CLCN1: variants seen among roughly 807,000 people sequenced by gnomAD.
CLCN1 encodes the protein chloride voltage-gated channel 1.
A neutral mutation model predicts 114.5 loss-of-function variants in CLCN1; 100 were observed. The ratio of observed to expected loss-of-function variants is 0.87; its 90% confidence interval spans 0.74 to 1.03. The LOEUF is 1.03. Among genes scored for constraint, CLCN1 ranks in the 50% least tolerant of loss-of-function variants. CLCN1 has a pLI of 0.00. For synonymous variants in CLCN1, 485 were observed against 487.1 expected, an observed-to-expected ratio of 1.00 and a Z score of 0.06; for missense variants, 1,188 against 1,250.0, an observed-to-expected ratio of 0.95 and a Z score of 0.75.
In CLCN1 at chr7:143,316,352, G is replaced by A. The variant is rs747166328; in HGVS notation, c.140G>A (p.Arg47Gln). 33 of 1,611,178 alleles carry A rather than the reference G, an allele frequency of 2.0e-5. No individual in the cohort carries two copies. Among genetic ancestry groups the A allele is most frequent in the South Asian group, 4.4e-5 (4 of 91,040 alleles). ...AATGGGGGCCTCCAGCACAGGCTCC[G>A]GAAGGATGCAGGCCCCCGCCACAAC... Reference protein sequence around the residue: ...SENGGLQHRLRKDAGPRHNVH... With the variant: ...SENGGLQHRLQKDAGPRHNVH... The change falls in exon 1 of 23, where the codon CGG becomes CAG. Residue 47 changes from arginine (R) to glutamine (Q), a missense_variant. Physicochemically the swap from Arg to Gln is conservative, Grantham distance 43 (BLOSUM62 1). Transcript: ENST00000343257.
At chr7:143,330,958 G>A (rs1802706085) in intron 8 of CLCN1, 61 bp downstream of exon 8, 2 of 1,612,206 alleles carry the variant, frequency 1.2e-6, no homozygotes, top group Admixed American at 1.7e-5. Context: ...ATGGGGTGCA[G>A]AGGAAAACTC....
intron 2 of CLCN1, among the ~76,000 whole-genome samples, chr7:143,320,136 A>G (rs989483946): frequency 6.6e-6 from 1 of 152,134 alleles, no homozygotes; most frequent in Non-Finnish European, 1.5e-5. Context: ...CTATAGGCAC[A>G]TGCCACCATG....
chr7:143,351,259 TCA>T (rs1803391396), intron 22 of CLCN1, among the ~76,000 whole-genome samples: 1 of 151,728 alleles, frequency 6.6e-6, no homozygotes, highest in Non-Finnish European at 1.5e-5. Context: ...CAGGCATGAG[TCA>T]CAGTTTCTCG....
chr7:143,351,593 G>A lies in CLCN1; in HGVS notation c.2596-1G>A, dbSNP rs771721648. The A allele has an allele frequency of 6.8e-6, 11 of 1,613,530 alleles. No individual in the cohort carries two copies. The African/African-American group carries it at 1.3e-4, about 20-fold the overall frequency. ...TCTTTTCCTTTCCCACTGCTCTTCA[G>A]CTACAGAAGGCCATTGAGGGGCACA... is the stretch of plus-strand genomic sequence containing the variant. On this transcript the variant is annotated splice_acceptor_variant, in intron 22 of 22. Coordinates refer to ENST00000343257, the MANE Select transcript of CLCN1 (RefSeq NM_000083.3). LOFTEE classifies it high-confidence loss of function.
chr7:143,326,784 G>A (rs1028696298), intron 7 of CLCN1, among the ~76,000 whole-genome samples: 1 of 152,144 alleles, frequency 6.6e-6, no homozygotes, highest in African/African-American at 2.4e-5. Context: ...ACAAGTAAAG[G>A]GGGGCTGAAT....
chr7:143,320,873 C>G (rs146551219), intron 3 of CLCN1, 78 bp downstream of exon 3: 2 of 1,533,658 alleles, frequency 1.3e-6, no homozygotes, highest in Admixed American at 1.7e-5. Context: ...TTATCGGAAG[C>G]GAATGTTAAG....
At position 143,345,775 on chromosome 7, in the gene CLCN1, G is replaced by GGAAGGGCTA; in HGVS notation, c.2172+15_2172+23dup. ...TGGCAAGAGCGAGGTGACCGCGCCGGGAAGGGCTAGGGAGTGGGATAGATC... is the reference window on the plus strand; with the variant it reads ...TGGCAAGAGCGAGGTGACCGCGCCGGGAAGGGCTAGAAGGGCTAGGGAGTGGGATAGATC... On this transcript the variant is annotated intron_variant, in intron 17 of 22. Transcript: ENST00000343257. 3 of 1,607,508 alleles carry GGAAGGGCTA rather than the reference G, an allele frequency of 1.9e-6. No individual in the cohort carries two copies. The highest frequency in any genetic ancestry group is 2.5e-6 in the Non-Finnish European group (3 of 1,177,742).
At chr7:143,320,019 C>G in intron 2 of CLCN1, 144 bp downstream of exon 2, 1 of 855,408 alleles carries the variant, frequency 1.2e-6, no homozygotes, top group South Asian at 1.5e-5. Context: ...GACAGGGTCT[C>G]ACTCTGTCAT....
At chr7:143,323,534 C>T (rs758390478) in intron 6 of CLCN1, 148 bp downstream of exon 6, 27 of 722,082 alleles carry the variant, frequency 3.7e-5, no homozygotes, top group Non-Finnish European at 6.4e-5. Flanking sequence ...TCCTCGTCTC[C>T]CTGTCTGCCT....
chr7:143,326,397 A>G (rs139337208), intron 7 of CLCN1, among the ~76,000 whole-genome samples: 1 of 152,364 alleles, frequency 6.6e-6, no homozygotes, highest in African/African-American at 2.4e-5. Flanking sequence ...GGAATTCAGC[A>G]TTCTACTGAA....
intron 7 of CLCN1, among the ~76,000 whole-genome samples, chr7:143,330,568 C>T (rs1802694380): frequency 6.6e-6 from 1 of 152,104 alleles, no homozygotes; most frequent in South Asian, 2.1e-4. Flanking sequence ...TGGACCCATC[C>T]CTTGTCTGAA....
intron 2 of CLCN1, 85 bp downstream of exon 2, chr7:143,319,960 A>G (rs901435824): frequency 6.5e-6 from 9 of 1,394,542 alleles, no homozygotes; most frequent in Admixed American, 5.0e-5. Context: ...CATTGCACGT[A>G]CGTACTCCCT....
chr7:143,347,620 CAAAAAAAA>C (rs57147641), intron 20 of CLCN1, among the ~76,000 whole-genome samples: 5 of 94,954 alleles, frequency 5.3e-5, no homozygotes, highest in African/African-American at 1.5e-4. Flanking sequence ...GACTTTGCCT[CAAAAAAAA>C]AAAAAAAAAA....
Position 143,321,815 on chromosome 7 carries a change from G to A in CLCN1, c.663G>A (p.Ala221=), listed in dbSNP as rs147317366. ...AFVAKVVALT[A]GLGSGIPVGK... Reference sequence around the variant, plus strand: ...TGGCCAAGGTTGTCGCCCTGACTGCGGGCCTGGGCAGTGGCATCCCCGTGG... The same window carrying A: ...TGGCCAAGGTTGTCGCCCTGACTGCAGGCCTGGGCAGTGGCATCCCCGTGG... Residue 221 remains alanine (A), a synonymous_variant, in exon 5 of 23, where the codon GCG becomes GCA. Transcript: ENST00000343257. The surrounding 1 kb of genome is among the most constrained non-coding windows in gnomAD (Gnocchi z 4.2). 8,246 of 1,614,214 alleles carry A rather than the reference G, an allele frequency of 5.1e-3. 38 individuals are homozygous for A. The highest frequency in any genetic ancestry group is 0.012 in the Middle Eastern group (75 of 6,062).
intron 7 of CLCN1, among the ~76,000 whole-genome samples, chr7:143,325,471 C>G (rs1342137472): frequency 2.0e-5 from 3 of 152,194 alleles, no homozygotes; most frequent in Non-Finnish European, 4.4e-5. Flanking sequence ...GACTAAGGAA[C>G]CCAAGTTAGC....
rs200344297 is a variant in CLCN1 at position 143,316,332 on chromosome 7, G to C, written c.120G>C (p.Gly40=). Residue 40 remains glycine (G), a synonymous_variant, in exon 1 of 23, where the codon GGG becomes GGC. Coordinates refer to ENST00000343257, the MANE Select transcript of CLCN1 (RefSeq NM_000083.3). The part of the protein sequence containing the change: ...CTSYGLPSEN[G]GLQHRLRKDA... ...GCTACGGACTGCCCTCTGAGAATGG[G>C]GGCCTCCAGCACAGGCTCCGGAAGG... The C allele has an allele frequency of 3.8e-5, 62 of 1,613,076 alleles. No homozygotes were observed. The Admixed American group carries it at 6.7e-4, about 17-fold the overall frequency.
rs202179484 is a variant in CLCN1, at chr7:143,330,813, G to C, written c.895G>C (p.Val299Leu). The change falls in exon 8 of 23, where the codon GTT becomes CTT. Residue 299 changes from valine (V) to leucine (L), a missense_variant. Transcript: ENST00000343257. Reference protein sequence around the residue: ...SIEVTSTYFAVRNYWRGFFAA... With the variant: ...SIEVTSTYFALRNYWRGFFAA... ...CGAGGTCACCTCCACCTACTTTGCT[G>C]TTCGGAACTACTGGAGAGGATTCTT... 9 of 1,614,086 alleles carry C rather than the reference G, an allele frequency of 5.6e-6. No homozygotes were observed. Among genetic ancestry groups the C allele is most frequent in the Middle Eastern group, 1.6e-4 (1 of 6,082 alleles).
rs769612798 is a variant in CLCN1 at position 143,321,753 on chromosome 7, G to A, written c.601G>A (p.Val201Ile). The change falls in exon 5 of 23, where the codon GTT becomes ATT. Residue 201 changes from valine to isoleucine, a missense_variant. Transcript: ENST00000343257. This position sits in a 1 kb window ranked among gnomAD's most constrained non-coding sequence, Gnocchi z 4.2. The part of the protein sequence containing the change: ...IPEMKTILRG[V>I]VLKEYLTMKA... Reference sequence around the variant, plus strand: ...CGAAATGAAGACAATACTTCGTGGGGTTGTCCTGAAGGAATACCTCACAAT... The same window carrying A: ...CGAAATGAAGACAATACTTCGTGGGATTGTCCTGAAGGAATACCTCACAAT... 43 of 1,614,110 alleles carry A rather than the reference G, an allele frequency of 2.7e-5. No homozygotes were observed. Among genetic ancestry groups the A allele is most frequent in the Non-Finnish European group, 3.6e-5 (42 of 1,180,038 alleles).
intron 1 of CLCN1, among the ~76,000 whole-genome samples, chr7:143,319,492 G>C (rs965721905): frequency 6.6e-6 from 1 of 152,172 alleles, no homozygotes; most frequent in African/African-American, 2.4e-5. Flanking sequence ...CTTGATAAAG[G>C]CTACCCTGGA....
Sources: allele counts gnomAD v4.1 joint callset (sites outside exome capture counted in the v4.1 genomes callset), GRCh38; gene constraint gnomAD v4.1.1; non-coding constraint Gnocchi (gnomAD v3.1); transcripts MANE v1.5; gene names NCBI Gene and HGNC (gene_info 2026-07-23, HGNC 2026-07-21).